AIG1: variants seen among roughly 807,000 people sequenced by gnomAD.
AIG1 encodes the protein androgen induced 1, also known as androgen-induced gene 1 protein.
A neutral mutation model predicts 31.4 loss-of-function variants in AIG1; 23 were observed. That is an observed-to-expected ratio of 0.73 (90% CI 0.53 to 1.04). The LOEUF (loss-of-function observed/expected upper bound fraction) is 1.04, where lower values mean the gene tolerates loss of function less well. Ranked by LOEUF, AIG1 falls within the 50% of genes least tolerant of loss-of-function variation. The probability of loss-of-function intolerance (pLI) is 0.00; values close to 1 mark genes in which losing one functional copy is unlikely to be tolerated. For missense variants in AIG1, 274 were observed against 295.0 expected, an observed-to-expected ratio of 0.93 and a Z score of 0.52; for synonymous variants, 100 against 110.5, an observed-to-expected ratio of 0.90 and a Z score of 0.60.
intron 3 of AIG1, among the ~76,000 whole-genome samples, chr6:143,202,461 TAAGACAGAATTTGTTA>T (rs1246923365): frequency 1.3e-5 from 2 of 152,196 alleles, no homozygotes; most frequent in Non-Finnish European, 2.9e-5. Context: ...GTTTGAATTA[TAAGACAGAATTTGTTA>T]AAGATAAACT....
intron 1 of AIG1, among the ~76,000 whole-genome samples, chr6:143,091,604 T>C (rs1319264388): frequency 6.6e-6 from 1 of 152,170 alleles, no homozygotes; most frequent in African/African-American, 2.4e-5. Context: ...ACAGTTACGA[T>C]GGTAAAACAA....
chr6:143,301,208 T>C (rs1224126106), intron 4 of AIG1, among the ~76,000 whole-genome samples: 1 of 152,246 alleles, frequency 6.6e-6, no homozygotes, highest in Non-Finnish European at 1.5e-5. Context: ...AGAATAATGC[T>C]GCCTCGGATT....
At chr6:143,082,372 G>A (rs773994017) in intron 1 of AIG1, among the ~76,000 whole-genome samples, 1 of 152,144 alleles carries the variant, frequency 6.6e-6, no homozygotes, top group Non-Finnish European at 1.5e-5. Context: ...CCCCTTGAGC[G>A]GCATAGGTTT....
At chr6:143,066,727 T>C (rs1222090356) in intron 1 of AIG1, among the ~76,000 whole-genome samples, 1 of 152,186 alleles carries the variant, frequency 6.6e-6, no homozygotes, top group Non-Finnish European at 1.5e-5. Context: ...ATTTAAATAA[T>C]CTTCAGGGCA....
chr6:143,314,798 A>G (rs1019409135), intron 4 of AIG1, among the ~76,000 whole-genome samples: 1 of 152,170 alleles, frequency 6.6e-6, no homozygotes, highest in Admixed American at 6.6e-5. Context: ...GCTCACTACC[A>G]GCACTCATTT....
chr6:143,225,451 AAT>A (rs1198953271), intron 3 of AIG1, among the ~76,000 whole-genome samples: 5 of 152,228 alleles, frequency 3.3e-5, no homozygotes, highest in African/African-American at 1.2e-4. Flanking sequence ...TCAATAATTA[AAT>A]ACTGCCATTG....
rs78522457 is a variant in AIG1, at chr6:143,209,471, G to A, written c.399+44288G>A. Among the ~76,000 whole-genome samples, 820 of 152,312 alleles carry A rather than the reference G, an allele frequency of 5.4e-3. 11 individuals are homozygous for A. The highest frequency in any genetic ancestry group is 0.016 in the African/African-American group (673 of 41,560). ...TTGTAATCACGAGGGTCCTTTAAATGTGTAAAAGGGAGGCAGAAGAGTCAA... is the reference window on the plus strand; with the variant it reads ...TTGTAATCACGAGGGTCCTTTAAATATGTAAAAGGGAGGCAGAAGAGTCAA... On this transcript the variant is annotated intron_variant, in intron 3 of 5. Coordinates refer to ENST00000357847, the MANE Select transcript of AIG1 (RefSeq NM_016108.4).
At chr6:143,177,939 G>A (rs1788327357) in intron 3 of AIG1, among the ~76,000 whole-genome samples, 1 of 152,198 alleles carries the variant, frequency 6.6e-6, no homozygotes, top group African/African-American at 2.4e-5. Context: ...GTGTGGGTGT[G>A]CAGCAGTTTT....
chr6:143,331,200 T>A lies in AIG1; in HGVS notation c.516-2082T>A, dbSNP rs925305818. Among the ~76,000 whole-genome samples, 1 of 152,122 alleles carries A rather than the reference T, an allele frequency of 6.6e-6. No homozygotes were observed. The highest frequency in any genetic ancestry group is 2.4e-5 in the African/African-American group (1 of 41,420). On this transcript the variant is annotated intron_variant, in intron 4 of 5. Transcript: ENST00000357847. This position sits in a 1 kb window ranked among gnomAD's most constrained non-coding sequence, Gnocchi z 4.1. Reference sequence around the variant, plus strand: ...ATTTTTTATTGTGCTAAAATATACATAACATAATATTTGTCATTTTAGCTA... The same window carrying A: ...ATTTTTTATTGTGCTAAAATATACAAAACATAATATTTGTCATTTTAGCTA...
chr6:143,185,948 C>A (rs1167575161), intron 3 of AIG1, among the ~76,000 whole-genome samples: 1 of 152,196 alleles, frequency 6.6e-6, no homozygotes, highest in African/African-American at 2.4e-5. Flanking sequence ...TTCAGTGATT[C>A]ATCATAGAAC....
chr6:143,157,039 A>T lies in AIG1; in HGVS notation c.298-8043A>T, dbSNP rs1785839500. 2.6e-5 allele frequency among the ~76,000 whole-genome samples: 4 copies of T among 152,202 alleles called. No homozygotes were observed. The South Asian group carries it at 8.3e-4, about 32-fold the overall frequency. ...TTACAGTTATTTGGTGTAAGTTTAA[A>T]ATTTATTTTTAGACCTTGCAGACCT... On this transcript the variant is annotated intron_variant, in intron 2 of 5. Transcript: ENST00000357847.
At chr6:143,150,542 G>A (rs1785113558) in intron 2 of AIG1, among the ~76,000 whole-genome samples, 1 of 152,130 alleles carries the variant, frequency 6.6e-6, no homozygotes, top group African/African-American at 2.4e-5. Context: ...AGAAGACTGG[G>A]GCCCATTAGG....
chr6:143,184,192 T>A (rs1457028791), intron 3 of AIG1, among the ~76,000 whole-genome samples: 1 of 152,202 alleles, frequency 6.6e-6, no homozygotes, highest in East Asian at 1.9e-4. Flanking sequence ...CAATAGCCAA[T>A]AGCTTTAGGA....
At chr6:143,216,587 G>A (rs1297684247) in intron 3 of AIG1, among the ~76,000 whole-genome samples, 1 of 152,216 alleles carries the variant, frequency 6.6e-6, no homozygotes, top group Non-Finnish European at 1.5e-5. Context: ...GACTTTACTT[G>A]TTGCTGCTAG....
chr6:143,234,869 T>C (rs1436187019), intron 3 of AIG1, among the ~76,000 whole-genome samples: 5 of 152,098 alleles, frequency 3.3e-5, no homozygotes, highest in Non-Finnish European at 5.9e-5. Flanking sequence ...CCATGATACA[T>C]AACATGAGCA....
At chr6:143,093,016 C>G (rs1779440143) in intron 1 of AIG1, among the ~76,000 whole-genome samples, 1 of 152,156 alleles carries the variant, frequency 6.6e-6, no homozygotes, top group African/African-American at 2.4e-5. Flanking sequence ...CACCACTGCA[C>G]TCTAGCCTGG....
intron 3 of AIG1, among the ~76,000 whole-genome samples, chr6:143,197,889 G>A (rs1369808669): frequency 1.3e-5 from 2 of 152,136 alleles, no homozygotes; most frequent in African/African-American, 4.8e-5. Flanking sequence ...TGATCTTTGG[G>A]AGATAGATCA....
chr6:143,182,685 T>C (rs557389340), intron 3 of AIG1, among the ~76,000 whole-genome samples: 1 of 152,348 alleles, frequency 6.6e-6, no homozygotes, highest in Admixed American at 6.5e-5. Context: ...GTTTATTGTC[T>C]ATCTTCCCTT....
At chr6:143,119,887 A>G (rs1314789287) in intron 1 of AIG1, among the ~76,000 whole-genome samples, 2 of 152,214 alleles carry the variant, frequency 1.3e-5, no homozygotes, top group Non-Finnish European at 2.9e-5. Flanking sequence ...ATTTACCAAA[A>G]CAATTTGTCC....
Sources: gnomAD v4.1 joint callset for allele counts (sites outside exome capture counted in the v4.1 genomes callset) on GRCh38, gnomAD v4.1.1 for gene constraint, Gnocchi (gnomAD v3.1) non-coding constraint, MANE v1.5 for transcripts, NCBI Gene and HGNC (gene_info 2026-07-23, HGNC 2026-07-21) for gene names.